The following SLC26A3 variants were observed in gnomAD, a reference collection of about 807,000 sequenced individuals.
The protein encoded by SLC26A3 is chloride anion exchanger.
A neutral mutation model predicts 85.6 loss-of-function variants in SLC26A3; 64 were observed. That is an observed-to-expected ratio of 0.75 (90% CI 0.61 to 0.92). SLC26A3 has a LOEUF of 0.92. Among genes scored for constraint, SLC26A3 ranks in the 40% least tolerant of loss-of-function variants. SLC26A3 has a pLI of 0.00. For synonymous variants in SLC26A3, 349 were observed against 336.0 expected, an observed-to-expected ratio of 1.04 and a Z score of -0.42; for missense variants, 922 against 927.3, an observed-to-expected ratio of 0.99 and a Z score of 0.07.
chr7:107,793,655 C>T, intron 3 of SLC26A3, 87 bp downstream of exon 3: 1 of 997,340 alleles, frequency 1.0e-6, no homozygotes, highest in Non-Finnish European at 1.5e-6. Context: ...GATGCACAAC[C>T]TAGTGAATAT....
At chr7:107,790,017 T>C (rs77058787) in intron 5 of SLC26A3, among the ~76,000 whole-genome samples, 7 of 152,216 alleles carry the variant, frequency 4.6e-5, no homozygotes, top group Non-Finnish European at 7.3e-5. Context: ...CCTTTTCTAG[T>C]AGAATCTTAC....
At chr7:107,767,494 C>T (rs1793933918) in intron 20 of SLC26A3, 85 bp downstream of exon 20, 7 of 979,710 alleles carry the variant, frequency 7.1e-6, no homozygotes, top group South Asian at 2.7e-5. Context: ...GACTTTCTGC[C>T]ACATGCAGGA....
intron 3 of SLC26A3, among the ~76,000 whole-genome samples, chr7:107,792,935 T>C (rs1562881589): frequency 6.6e-6 from 1 of 152,140 alleles, no homozygotes; most frequent in Non-Finnish European, 1.5e-5. Context: ...ATAAAAACTT[T>C]GAATAGACAT....
chr7:107,781,261 A>G (rs1794211376), intron 11 of SLC26A3, among the ~76,000 whole-genome samples: 1 of 152,246 alleles, frequency 6.6e-6, no homozygotes, highest in Non-Finnish European at 1.5e-5. Context: ...GCTGACATGC[A>G]GTGAGCACTC....
At chr7:107,785,739 A>G (rs903180353) in intron 8 of SLC26A3, among the ~76,000 whole-genome samples, 3 of 152,224 alleles carry the variant, frequency 2.0e-5, no homozygotes, top group Non-Finnish European at 2.9e-5. Flanking sequence ...AGATCTGGTA[A>G]TAAAAAAAAT....
At chr7:107,766,909 T>C (rs891830704) in intron 20 of SLC26A3, among the ~76,000 whole-genome samples, 3 of 151,982 alleles carry the variant, frequency 2.0e-5, no homozygotes, top group African/African-American at 7.3e-5. Context: ...AAAATGAAGA[T>C]ATCTTCTTTG....
intron 1 of SLC26A3, among the ~76,000 whole-genome samples, chr7:107,802,011 G>T (rs1182524254): frequency 6.7e-6 from 1 of 149,152 alleles, no homozygotes; most frequent in Non-Finnish European, 1.5e-5. Context: ...ATAATCACTT[G>T]AACCTGGGAG....
At chr7:107,802,346 ATAC>A (rs1258629915) in intron 1 of SLC26A3, among the ~76,000 whole-genome samples, 1 of 152,066 alleles carries the variant, frequency 6.6e-6, no homozygotes, top group Non-Finnish European at 1.5e-5. Context: ...ATATTATATT[ATAC>A]TACTTGTGGC....
At chr7:107,780,022 G>A (rs1236946496) in intron 11 of SLC26A3, among the ~76,000 whole-genome samples, 7 of 151,928 alleles carry the variant, frequency 4.6e-5, no homozygotes, top group Admixed American at 2.6e-4. Context: ...ATCTGATGGC[G>A]TTTAGTAGCC....
At chr7:107,779,434 T>C (rs372672733) in intron 12 of SLC26A3, among the ~76,000 whole-genome samples, 30 of 152,336 alleles carry the variant, frequency 2.0e-4, no homozygotes, top group African/African-American at 7.2e-4. Context: ...GACTAGTGTT[T>C]CATGGAGCCC....
At chr7:107,787,317 A>C (rs767359306) in intron 7 of SLC26A3, 40 bp downstream of exon 7, 2 of 1,606,676 alleles carry the variant, frequency 1.2e-6, no homozygotes, top group African/African-American at 2.7e-5. Context: ...ACATATAAAC[A>C]GTAGAGTAGC....
intron 1 of SLC26A3, among the ~76,000 whole-genome samples, chr7:107,801,881 A>C (rs1794603304): frequency 6.7e-6 from 1 of 149,298 alleles, no homozygotes. Flanking sequence ...GGAGTTCGAG[A>C]CCAGCCTGGC....
At chr7:107,795,359 T>C (rs930966375) in intron 1 of SLC26A3, among the ~76,000 whole-genome samples, 9 of 152,224 alleles carry the variant, frequency 5.9e-5, no homozygotes, top group Non-Finnish European at 8.8e-5. Flanking sequence ...ATTATTTTGA[T>C]TATTAGCATT....
In SLC26A3 at chr7:107,794,391, T is replaced by G; in HGVS notation, c.119A>C (p.Lys40Thr). ...AAAAATATCTTACCTACAACACACT[T>G]TGAGATGATCCAGAAATGTCTTATG... ...RHHKTFLDHL[K>T]VCCSCSPQKA... is the part of the protein sequence containing the mutation. The change falls in exon 2 of 21, where the codon AAA becomes ACA. Residue 40 changes from lysine (K) to threonine (T), a missense_variant. Physicochemically the swap from Lys to Thr is moderately conservative, Grantham distance 78. Transcript: ENST00000340010. 1 of 1,613,954 alleles carries G rather than the reference T, an allele frequency of 6.2e-7. No homozygotes were observed. The highest frequency in any genetic ancestry group is 8.5e-7 in the Non-Finnish European group (1 of 1,179,886).
At chr7:107,772,719 G>A (rs1000268959) in intron 17 of SLC26A3, among the ~76,000 whole-genome samples, 1 of 152,076 alleles carries the variant, frequency 6.6e-6, no homozygotes, top group Non-Finnish European at 1.5e-5. Context: ...AAGAATTAGA[G>A]CCCCTGTCCT....
intron 17 of SLC26A3, 30 bp from the exon 18 acceptor site, chr7:107,772,138 G>T (rs746946012): frequency 7.7e-7 from 1 of 1,301,916 alleles, no homozygotes; most frequent in Non-Finnish European, 1.1e-6. Flanking sequence ...ATCTTCCTTA[G>T]GGAACAGTTT....
At chr7:107,780,621 G>C (rs1794201430) in intron 11 of SLC26A3, among the ~76,000 whole-genome samples, 1 of 152,086 alleles carries the variant, frequency 6.6e-6, no homozygotes, top group Admixed American at 6.6e-5. Context: ...ACAAAGAAAA[G>C]CCAAATACAG....
At chr7:107,775,902 A>G (rs951780685) in intron 15 of SLC26A3, 3 of 160,302 alleles carry the variant, frequency 1.9e-5, no homozygotes, top group Admixed American at 5.8e-5. Flanking sequence ...TTTAAGGCAG[A>G]GGCTGTATGC....
At chr7:107,800,337 A>G (rs1794579020) in intron 1 of SLC26A3, among the ~76,000 whole-genome samples, 1 of 152,236 alleles carries the variant, frequency 6.6e-6, no homozygotes, top group Non-Finnish European at 1.5e-5. Context: ...TCTAAAACAA[A>G]CAAACAAACA....
Sources: allele counts gnomAD v4.1 joint callset (sites outside exome capture counted in the v4.1 genomes callset), GRCh38; gene constraint gnomAD v4.1.1; transcripts MANE v1.5; gene names NCBI Gene and HGNC (gene_info 2026-07-23, HGNC 2026-07-21).